HELB: variants seen among roughly 807,000 people sequenced by gnomAD.
HELB encodes DNA 5'-3' helicase B.
HELB carries 96 observed loss-of-function variants against 101.7 expected under a neutral mutation model. The observed-to-expected ratio is 0.94, with a 90% CI of 0.80 to 1.12. The LOEUF is 1.12. Ranked by LOEUF, HELB falls within the 50% of genes most tolerant of loss-of-function variation. The pLI is 0.00. For missense variants in HELB, 1,210 were observed against 1,291.9 expected, an observed-to-expected ratio of 0.94 and a Z score of 0.97; for synonymous variants, 437 against 459.7, an observed-to-expected ratio of 0.95 and a Z score of 0.63.
At position 66,309,805 on chromosome 12, in the gene HELB, A is replaced by G; in HGVS notation, c.877A>G (p.Asn293Asp). ...LLQLMTDLEK[N>D]ALIMYSRLKQ... ...CCAGCTGATGACTGATTTGGAGAAG[A>G]ATGCATTAATAATGTATTCCAGACT... Residue 293 changes from asparagine to aspartate, a missense_variant, in exon 4 of 13, where the codon AAT (asparagine) becomes GAT (aspartate). By Grantham distance (23) the Asn-to-Asp change is conservative. Transcript: ENST00000247815. The G allele has an allele frequency of 6.2e-7, 1 of 1,614,116 alleles. No homozygotes were observed. The highest frequency in any genetic ancestry group is 8.5e-7 in the Non-Finnish European group (1 of 1,179,952).
intron 1 of HELB, among the ~76,000 whole-genome samples, chr12:66,304,307 TGAG>T (rs2053445769): frequency 6.6e-6 from 1 of 152,172 alleles, no homozygotes; most frequent in African/African-American, 2.4e-5. Context: ...ATAGTTAAGC[TGAG>T]GTCTGTAGTA....
In HELB at chr12:66,309,879, CTT is replaced by C. The variant is rs1171208255; in HGVS notation, c.952_953del (p.Leu318AsnfsTer29). On this transcript the variant is annotated frameshift_variant, in exon 4 of 13. Transcript: ENST00000247815. LOFTEE classifies it high-confidence loss of function. Reference sequence around the variant, plus strand: ...GGCACACATATGTTGAAGTGAATGACTTAACTTTGACATTGTCAAATCATATG... The same window carrying C: ...GGCACACATATGTTGAAGTGAATGACAACTTTGACATTGTCAAATCATATG... ...DGHTYVEVNDLTLTLSNHMSF... is the reference protein window; with the variant it reads ...DGHTYVEVNDXTLTLSNHMSF... 1 of 1,614,094 alleles carries C rather than the reference CTT, an allele frequency of 6.2e-7. No homozygotes were observed. The highest frequency in any genetic ancestry group is 8.5e-7 in the Non-Finnish European group (1 of 1,179,980).
chr12:66,342,066 A>C (rs2137025161), downstream of HELB: 1 of 152,336 alleles, frequency 6.6e-6, no homozygotes, highest in Non-Finnish European at 1.5e-5. Flanking sequence ...TGTTATATCC[A>C]AGAAACTATT....
At chr12:66,315,506 C>A in intron 6 of HELB, 123 bp downstream of exon 6, 1 of 599,596 alleles carries the variant, frequency 1.7e-6, no homozygotes, top group East Asian at 3.3e-5. Flanking sequence ...CTCTTCCATC[C>A]TTCAACTATA....
intron 8 of HELB, among the ~76,000 whole-genome samples, chr12:66,322,293 T>A (rs1592641805): frequency 6.6e-6 from 1 of 152,124 alleles, no homozygotes; most frequent in Non-Finnish European, 1.5e-5. Flanking sequence ...CTGGGCTTGG[T>A]GGCTCACACC....
chr12:66,306,400 T>A lies in HELB; in HGVS notation c.663T>A (p.Leu221=). The A allele has an allele frequency of 6.2e-7, 1 of 1,608,958 alleles. No individual in the cohort carries two copies. The highest frequency in any genetic ancestry group is 8.5e-7 in the Non-Finnish European group (1 of 1,177,604). ...AGTTTCCGAAGATAATGGAATTCCT[T>A]CCAGTTCTTCTGCCTCGACACTTTA... is the stretch of plus-strand genomic sequence containing the variant. ...ALQFPKIMEF[L]PVLLPRHFKW... Residue 221 remains leucine, a synonymous_variant, in exon 3 of 13, where the codon CTT becomes CTA. Coordinates refer to ENST00000247815, the MANE Select transcript of HELB (RefSeq NM_001370285.1).
At chr12:66,319,084 T>C (rs1048746654) in intron 7 of HELB, among the ~76,000 whole-genome samples, 1 of 152,212 alleles carries the variant, frequency 6.6e-6, no homozygotes, top group African/African-American at 2.4e-5. Flanking sequence ...TTCAGGTTCA[T>C]TTAGGACAAA....
chr12:66,320,801 A>C (rs2053661650), intron 7 of HELB, among the ~76,000 whole-genome samples: 1 of 152,242 alleles, frequency 6.6e-6, no homozygotes, highest in Non-Finnish European at 1.5e-5. Context: ...AAGTACTAAG[A>C]CCTAAGACAG....
chr12:66,324,934 G>T, intron 10 of HELB, 49 bp from the exon 11 acceptor site: 2 of 1,602,050 alleles, frequency 1.2e-6, no homozygotes, highest in Admixed American at 1.7e-5. Context: ...GTATTTGAAC[G>T]TAGAACATAT....
rs2053809323 is a variant in HELB at position 66,331,571 on chromosome 12, G to C, written c.3088G>C (p.Asp1030His). The C allele has an allele frequency of 6.2e-7, 1 of 1,613,360 alleles. No individual in the cohort carries two copies. Among genetic ancestry groups the C allele is most frequent in the East Asian group, 2.2e-5 (1 of 44,900 alleles). ...ACCTGATGGAGTAGATACAGATGATGATTTACCAAAATCGCGAGCATCCAA... is the reference window on the plus strand; with the variant it reads ...ACCTGATGGAGTAGATACAGATGATCATTTACCAAAATCGCGAGCATCCAA... ...SSPDGVDTDD[D>H]LPKSRASKRT... The change falls in exon 12 of 13, where the codon GAT becomes CAT. Residue 1030 changes from aspartate to histidine, a missense_variant. By Grantham distance (81) the Asp-to-His change is moderately conservative (BLOSUM62 -1). Around this residue, in one of 2 missense-constraint regions of HELB, gnomAD observed 740 missense variants for 728.8 expected, o/e 1.02. Transcript: ENST00000247815.
chr12:66,333,363 C>T (rs1209785559), intron 12 of HELB, among the ~76,000 whole-genome samples: 2 of 152,116 alleles, frequency 1.3e-5, no homozygotes, highest in South Asian at 4.2e-4. Context: ...TAATGCAAAG[C>T]CTGGAAAGGG....
intron 6 of HELB, among the ~76,000 whole-genome samples, chr12:66,316,758 G>C (rs1207810844): frequency 6.6e-6 from 1 of 151,878 alleles, no homozygotes; most frequent in African/African-American, 2.4e-5. Flanking sequence ...GGTGGCTCAT[G>C]CCTGTAATCC....
At chr12:66,326,395 A>T (rs1439397256) in intron 11 of HELB, among the ~76,000 whole-genome samples, 1 of 151,900 alleles carries the variant, frequency 6.6e-6, no homozygotes, top group Non-Finnish European at 1.5e-5. Flanking sequence ...GGCACATGCC[A>T]CCACGCCTGG....
In HELB at chr12:66,331,621, T is replaced by G. The variant is rs1422388590; in HGVS notation, c.3138T>G (p.Asp1046Glu). ...ASKRTCGVND[D>E]ESPSKIFMVG... ...AAAGAACCTGTGGTGTGAATGATGA[T>G]GAAAGTCCAAGCAAAATTTTTATGG... Residue 1046 changes from aspartate to glutamate, a missense_variant, in exon 12 of 13, where the codon GAT becomes GAG. By Grantham distance (45) the Asp-to-Glu change is conservative. Coordinates refer to ENST00000247815, the MANE Select transcript of HELB (RefSeq NM_001370285.1). 6.2e-7 allele frequency: 1 copy of G among 1,600,948 alleles called. No individual in the cohort carries two copies. Among genetic ancestry groups the G allele is most frequent in the African/African-American group, 1.3e-5 (1 of 74,584 alleles).
intron 6 of HELB, among the ~76,000 whole-genome samples, chr12:66,316,264 G>A (rs1466597389): frequency 6.6e-6 from 1 of 152,048 alleles, no homozygotes; most frequent in African/African-American, 2.4e-5. Context: ...ACACGACGAT[G>A]AACATTGCCA....
Position 66,304,904 on chromosome 12 carries a change from C to T in HELB, c.361C>T (p.Pro121Ser), listed in dbSNP as rs750778913. ...SYFLQSDMSP[P>S]NQKHICALFL... ...CTTTTTGCAGTCTGATATGTCACCA[C>T]CAAATCAAAAACATATCTGTGCTCT... Residue 121 changes from proline (P) to serine (S), a missense_variant, in exon 2 of 13, where the codon CCA (proline) becomes TCA (serine). Coordinates refer to ENST00000247815, the MANE Select transcript of HELB (RefSeq NM_001370285.1). The T allele has an allele frequency of 6.2e-7, 1 of 1,614,018 alleles. No homozygotes were observed. Among genetic ancestry groups the T allele is most frequent in the Non-Finnish European group, 8.5e-7 (1 of 1,179,958 alleles).
chr12:66,316,879 C>T (rs1350049853), intron 6 of HELB, among the ~76,000 whole-genome samples: 1 of 151,816 alleles, frequency 6.6e-6, no homozygotes, highest in Admixed American at 6.6e-5. Flanking sequence ...ATTAGCCGGG[C>T]TTGGTGGCGG....
intron 11 of HELB, among the ~76,000 whole-genome samples, chr12:66,330,041 G>A (rs1327472819): frequency 1.3e-5 from 2 of 152,184 alleles, no homozygotes; most frequent in Non-Finnish European, 2.9e-5. Context: ...TTTATTTGCA[G>A]CGGATGTGTA....
At chr12:66,318,609 T>C (rs762088102) in intron 6 of HELB, 29 bp from the exon 7 acceptor site, 3 of 1,572,116 alleles carry the variant, frequency 1.9e-6, no homozygotes, top group Admixed American at 4.1e-5. Context: ...GATAATGTTC[T>C]TTGTGTGTGT....
Sources: allele counts gnomAD v4.1 joint callset (sites outside exome capture counted in the v4.1 genomes callset), GRCh38; gene constraint gnomAD v4.1.1; regional missense constraint gnomAD v4.1.1; transcripts MANE v1.5; gene names NCBI Gene and HGNC (gene_info 2026-07-23, HGNC 2026-07-21).